Variants in MMD observed in about 807,000 individuals in gnomAD.
The protein encoded by MMD is monocyte to macrophage differentiation factor.
MMD carries 22 observed loss-of-function variants against 33.6 expected under a neutral mutation model. The observed-to-expected ratio is 0.66, with a 90% confidence interval of 0.47 to 0.94. The LOEUF (loss-of-function observed/expected upper bound fraction) is 0.94, where lower values mean the gene tolerates loss of function less well. MMD is among the 40% of genes least tolerant of loss of function. The probability of loss-of-function intolerance (pLI) is 0.00; values close to 1 mark genes in which losing one functional copy is unlikely to be tolerated. For missense variants in MMD, 242 were observed against 309.8 expected (o/e 0.78, Z 1.64); for synonymous variants, 97 against 103.2 (o/e 0.94, Z 0.36).
chr17:55,406,918 C>T (rs1276060324), intron 4 of MMD, among the ~76,000 whole-genome samples: 1 of 152,066 alleles, frequency 6.6e-6, no homozygotes, highest in Non-Finnish European at 1.5e-5. Context: ...GTAGTCCCAG[C>T]TACTTGGGAG....
chr17:55,400,736 G>C (rs1907296652), intron 6 of MMD, among the ~76,000 whole-genome samples: 1 of 152,046 alleles, frequency 6.6e-6, no homozygotes, highest in Admixed American at 6.5e-5. Context: ...CTGGTAACCA[G>C]GTGGATGGAA....
chr17:55,420,934 G>C (rs1366276648), intron 1 of MMD, among the ~76,000 whole-genome samples: 2 of 152,306 alleles, frequency 1.3e-5, no homozygotes, highest in Non-Finnish European at 2.9e-5. Context: ...ATGAGCAGTC[G>C]GCCAGCCTTC....
intron 3 of MMD, among the ~76,000 whole-genome samples, chr17:55,409,349 A>G (rs980519608): frequency 6.6e-6 from 1 of 152,144 alleles, no homozygotes; most frequent in Admixed American, 6.5e-5. Flanking sequence ...GATGACTGTG[A>G]TTTCTAGCAA....
chr17:55,401,313 C>T (rs935162457), intron 6 of MMD, among the ~76,000 whole-genome samples, 156 bp downstream of exon 6: 2 of 152,268 alleles, frequency 1.3e-5, no homozygotes, highest in Admixed American at 6.5e-5. Context: ...GCCACCATGC[C>T]AAGCTAAACA....
intron 4 of MMD, among the ~76,000 whole-genome samples, chr17:55,405,266 AG>A (rs2143135162): frequency 6.6e-6 from 1 of 152,014 alleles, no homozygotes; most frequent in Admixed American, 6.5e-5. Context: ...GCTACTTGGA[AG>A]GCTGACGCAG....
At chr17:55,400,882 C>T (rs773119889) in intron 6 of MMD, among the ~76,000 whole-genome samples, 7 of 151,068 alleles carry the variant, frequency 4.6e-5, no homozygotes, top group Non-Finnish European at 1.0e-4. Context: ...ACTTTACCCA[C>T]GAAAATCCCC....
At position 55,393,469 on chromosome 17, in the gene MMD, C is replaced by G. The variant is rs538878801; in HGVS notation, c.*865G>C. The G allele has an allele frequency of 6.6e-6, 1 of 152,666 alleles. No individual in the cohort carries two copies. Among genetic ancestry groups the G allele is most frequent in the East Asian group, 1.9e-4 (1 of 5,190 alleles). 9.5% of individuals were successfully genotyped at this position (152,666 alleles called of 1,614,324 possible). A position where few individuals can be genotyped will look rare whatever the true frequency, so the allele number is the denominator to read the frequency against. ...CCAGCAGATGGCCATCACAACAATA[C>G]TGTCATAATACAGAAAAAACATTTA... On this transcript the variant is annotated 3_prime_UTR_variant, in exon 7 of 7. Transcript: ENST00000262065.
At chr17:55,407,672 G>T in intron 4 of MMD, 74 bp downstream of exon 4, 1 of 1,376,586 alleles carries the variant, frequency 7.3e-7, no homozygotes, top group South Asian at 1.2e-5. Flanking sequence ...GGACAAGAGG[G>T]AGAAAGGAAA....
chr17:55,419,647 A>G (rs1908099826), intron 1 of MMD, among the ~76,000 whole-genome samples: 1 of 152,220 alleles, frequency 6.6e-6, no homozygotes, highest in South Asian at 2.1e-4. Flanking sequence ...AAAAATCAGG[A>G]CATTCTCATT....
chr17:55,413,314 T>TGAATATTTTGAAG (rs1907834492), intron 2 of MMD, among the ~76,000 whole-genome samples: 2 of 152,138 alleles, frequency 1.3e-5, no homozygotes, highest in Admixed American at 1.3e-4. Flanking sequence ...CCACTATTTT[T>TGAATATTTTGAAG]CCCTCAATGT....
intron 6 of MMD, among the ~76,000 whole-genome samples, chr17:55,400,607 C>T (rs903702496): frequency 6.6e-6 from 1 of 151,040 alleles, no homozygotes; most frequent in Non-Finnish European, 1.5e-5. Context: ...GGAGTGAAAT[C>T]CTAAGTACAG....
rs1200650890 is a variant in MMD, at chr17:55,393,547, GT to G, written c.*786del. ...AATGTGGCAAAGGCATAGAGAAAAA[GT>G]TGGATCTTTTGAAAAAGTTAATGAT... On this transcript the variant is annotated 3_prime_UTR_variant, in exon 7 of 7. Transcript: ENST00000262065. The G allele has an allele frequency of 6.6e-6, 1 of 152,622 alleles. No individual in the cohort carries two copies. The highest frequency in any genetic ancestry group is 2.4e-5 in the African/African-American group (1 of 41,460). 9.5% of individuals were successfully genotyped at this position (152,622 alleles called of 1,614,324 possible). A position where few individuals can be genotyped will look rare whatever the true frequency, so the allele number is the denominator to read the frequency against.
chr17:55,418,274 T>C (rs1339631454), intron 1 of MMD, among the ~76,000 whole-genome samples: 1 of 152,252 alleles, frequency 6.6e-6, no homozygotes, highest in Non-Finnish European at 1.5e-5. Flanking sequence ...CCCACTGTAG[T>C]GTGAATTCCA....
chr17:55,418,859 C>A (rs1908070560), intron 1 of MMD, among the ~76,000 whole-genome samples: 1 of 152,140 alleles, frequency 6.6e-6, no homozygotes, highest in Admixed American at 6.5e-5. Flanking sequence ...GAGGTTGGGG[C>A]TGAGGAAAAG....
chr17:55,403,637 T>C lies in MMD; in HGVS notation c.446+130A>G, dbSNP rs908482650. On this transcript the variant is annotated intron_variant, in intron 5 of 6. Transcript: ENST00000262065. ...ATACCAAATGGTTTTGAAGATTTAT[T>C]AAAAATAACATATTCTATATATGTA... 4 of 591,080 alleles carry C rather than the reference T, an allele frequency of 6.8e-6. No homozygotes were observed. In the African/African-American group the frequency reaches 7.7e-5, roughly 11 times the overall value. 36.6% of individuals were successfully genotyped at this position (591,080 alleles called of 1,614,324 possible).
chr17:55,395,576 G>C (rs1038095525), intron 6 of MMD, among the ~76,000 whole-genome samples: 3 of 152,182 alleles, frequency 2.0e-5, no homozygotes, highest in African/African-American at 7.2e-5. Context: ...AGACCATCAT[G>C]AGCTAAGGAC....
intron 4 of MMD, among the ~76,000 whole-genome samples, chr17:55,405,798 C>T (rs1451091292): frequency 6.6e-6 from 1 of 152,174 alleles, no homozygotes; most frequent in Non-Finnish European, 1.5e-5. Context: ...ATTGATGCTG[C>T]ATTAGTCAGA....
At chr17:55,405,353 C>T (rs908142271) in intron 4 of MMD, among the ~76,000 whole-genome samples, 36 of 135,782 alleles carry the variant, frequency 2.7e-4, no homozygotes, top group African/African-American at 9.8e-4. Flanking sequence ...CCAGCCTGGG[C>T]AACAAGAGCA....
intron 6 of MMD, among the ~76,000 whole-genome samples, chr17:55,397,637 C>A (rs966146127): frequency 1.3e-5 from 2 of 151,636 alleles, no homozygotes; most frequent in African/African-American, 4.9e-5. Context: ...TGGGTTCAGG[C>A]GATTTTCCTG....
Sources: gnomAD v4.1 joint callset for allele counts (sites outside exome capture counted in the v4.1 genomes callset) on GRCh38, gnomAD v4.1.1 for gene constraint, MANE v1.5 for transcripts, NCBI Gene and HGNC (gene_info 2026-07-23, HGNC 2026-07-21) for gene names.